Variants in FBRSL1 observed in about 807,000 individuals in gnomAD.
FBRSL1 encodes fibrosin like 1, also known as fibrosin-1-like protein.
Under a neutral mutation model 89.6 loss-of-function variants are expected in FBRSL1, and 51 were observed. That is an observed-to-expected ratio of 0.57 (90% CI 0.45 to 0.72). The LOEUF (loss-of-function observed/expected upper bound fraction) is 0.72, where lower values mean the gene tolerates loss of function less well. Among genes scored for constraint, FBRSL1 ranks in the 30% least tolerant of loss-of-function variants. The pLI, the probability that FBRSL1 is intolerant of heterozygous loss-of-function variation, is 0.00. For missense variants in FBRSL1, 1,618 were observed against 1,451.8 expected (o/e 1.11, Z -1.86); for synonymous variants, 779 against 681.1 (o/e 1.14, Z -2.24).
At chr12:132,530,679 C>T (rs1184638365) in intron 4 of FBRSL1, among the ~76,000 whole-genome samples, 1 of 146,684 alleles carries the variant, frequency 6.8e-6, no homozygotes, top group Non-Finnish European at 1.5e-5. Context: ...GCTTAACCCC[C>T]ACAGCCGAGG....
rs550277125 is a variant in FBRSL1, at chr12:132,569,913, CCT to C, written c.692-6_692-5del. Reference sequence around the variant, plus strand: ...GCCCTGCTGGTCTGAACGCAGCCACCCTCTCTCTGCAGGCCCAGCGCTTGAGA... The same window carrying C: ...GCCCTGCTGGTCTGAACGCAGCCACCCTCTCTGCAGGCCCAGCGCTTGAGA... On this transcript the variant is annotated splice_polypyrimidine_tract_variant and intron_variant, in intron 6 of 18. Transcript: ENST00000680143. The C allele has an allele frequency of 7.0e-4, 972 of 1,382,830 alleles. 1 individual carries two copies. In the African/African-American group the frequency reaches 0.01, roughly 14 times the overall value. The allele number at this position is 1,382,830 out of a possible 1,614,324, so 85.7% of individuals were successfully genotyped here.
chr12:132,561,836 G>T (rs979645674), intron 5 of FBRSL1, among the ~76,000 whole-genome samples: 2 of 152,232 alleles, frequency 1.3e-5, no homozygotes, highest in African/African-American at 4.8e-5. Context: ...TGGCAGGCCT[G>T]GGTGTTCAGT....
intron 15 of FBRSL1, among the ~76,000 whole-genome samples, chr12:132,579,264 T>C (rs996233682): frequency 1.3e-5 from 2 of 152,244 alleles, no homozygotes; most frequent in African/African-American, 4.8e-5. Context: ...GTTCCAGCTT[T>C]CACTGGAGTT....
Position 132,511,931 on chromosome 12 carries a change from C to T in FBRSL1, c.489+3581C>T, listed in dbSNP as rs936328121. The T allele has an allele frequency of 2.4e-5, 24 of 985,320 alleles. 1 individual carries two copies. Among genetic ancestry groups the T allele is most frequent in the Middle Eastern group, 5.2e-4 (1 of 1,914 alleles). 61.0% of individuals were successfully genotyped at this position (985,320 alleles called of 1,614,324 possible). On this transcript the variant is annotated intron_variant, in intron 2 of 18. Transcript: ENST00000680143. ...TCTGATTAAAGAAAATAAAAAGTGC[C>T]GTGCCACTATTTTTTATAACAGCAT...
At chr12:132,571,971 G>A (rs549659296) in intron 9 of FBRSL1, 462 of 452,162 alleles carry the variant, frequency 1.0e-3, no homozygotes, top group Non-Finnish European at 1.3e-3. Context: ...TCAGTAACCC[G>A]GTGTGTCCCC....
chr12:132,533,176 C>T (rs111279508), intron 4 of FBRSL1, among the ~76,000 whole-genome samples: 12,758 of 145,736 alleles, frequency 0.088, 596 homozygotes, highest in Non-Finnish European at 0.13. Flanking sequence ...AGTCTCCTCC[C>T]GACCCAGCCT....
chr12:132,525,552 C>T (rs1198473911), intron 2 of FBRSL1, among the ~76,000 whole-genome samples, 182 bp from the exon 3 acceptor site: 3 of 152,176 alleles, frequency 2.0e-5, no homozygotes, highest in Admixed American at 2.0e-4. Flanking sequence ...GCTGCTCCCG[C>T]CCCCAGACCA....
intron 1 of FBRSL1, among the ~76,000 whole-genome samples, chr12:132,501,382 C>T (rs1239799360): frequency 1.3e-5 from 2 of 152,200 alleles, no homozygotes; most frequent in Non-Finnish European, 2.9e-5. Flanking sequence ...CTCCCCATGG[C>T]TGAGGAAGAG....
At chr12:132,519,738 A>G (rs545885650) in intron 2 of FBRSL1, among the ~76,000 whole-genome samples, 1 of 152,250 alleles carries the variant, frequency 6.6e-6, no homozygotes, top group East Asian at 1.9e-4. Context: ...GTGAAACCCC[A>G]TCTCTACTAA....
intron 15 of FBRSL1, among the ~76,000 whole-genome samples, chr12:132,579,651 C>A (rs1315891594): frequency 6.6e-6 from 1 of 152,200 alleles, no homozygotes; most frequent in Non-Finnish European, 1.5e-5. Context: ...AGCCACTGTT[C>A]CAGCGCTTTG....
rs2040877962 is a variant in FBRSL1, at chr12:132,582,904, TC to T, written c.2202-64del. On this transcript the variant is annotated intron_variant, in intron 18 of 18. Transcript: ENST00000680143. ...GAGGCCCCGACAAGCAACGGGAACA[TC>T]CCGGGGCTGCGCCGCGCGGCAGGAC... is the stretch of plus-strand genomic sequence containing the variant. 4 of 1,266,498 alleles carry T rather than the reference TC, an allele frequency of 3.2e-6. No homozygotes were observed. The Admixed American group carries it at 1.3e-4, about 40-fold the overall frequency. The allele number at this position is 1,266,498 out of a possible 1,614,324, so 78.5% of individuals were successfully genotyped here. A position where few individuals can be genotyped will look rare whatever the true frequency, so the allele number is the denominator to read the frequency against.
chr12:132,528,770 CG>C (rs550309658), intron 4 of FBRSL1, among the ~76,000 whole-genome samples: 132 of 149,774 alleles, frequency 8.8e-4, no homozygotes, highest in East Asian at 2.2e-3. Context: ...AGGGTGTGCC[CG>C]GGGGAAGCAG....
rs778226999 is a variant in FBRSL1, at chr12:132,508,235, G to A, written c.374G>A (p.Cys125Tyr). 3 of 1,550,860 alleles carry A rather than the reference G, an allele frequency of 1.9e-6. No individual in the cohort carries two copies. In the Admixed American group the frequency reaches 5.9e-5, roughly 30 times the overall value. The change falls in exon 2 of 19, where the codon TGC (cysteine) becomes TAC (tyrosine). Residue 125 changes from cysteine to tyrosine, a missense_variant. Transcript: ENST00000680143. ...LIKKPRESET[C>Y]PPAEPSENRR... ...AAGAAGCCCCGGGAGTCGGAAACCT[G>A]CCCCCCTGCGGAGCCCAGTGAGAAC... is the stretch of plus-strand genomic sequence containing the variant.
rs3221291 is a variant in FBRSL1, at chr12:132,578,343, T to TCACA, written c.1834+1433_1834+1436dup. Among the ~76,000 whole-genome samples the TCACA allele has an allele frequency of 6.0e-3, 841 of 141,108 alleles. 8 individuals carry two copies. The highest frequency in any genetic ancestry group is 0.017 in the African/African-American group (663 of 37,994). 92.6% of individuals were successfully genotyped at this position (141,108 alleles called of 152,430 possible). Reference sequence around the variant, plus strand: ...CTGGGCAACAGAGCAAGACCCTGTCTCACACACACACACACACACACACAA... The same window carrying TCACA: ...CTGGGCAACAGAGCAAGACCCTGTCTCACACACACACACACACACACACACACAA... On this transcript the variant is annotated intron_variant, in intron 15 of 18. Coordinates refer to ENST00000680143, the MANE Select transcript of FBRSL1 (RefSeq NM_001367871.1).
intron 2 of FBRSL1, among the ~76,000 whole-genome samples, chr12:132,524,163 G>A (rs1045990988): frequency 2.6e-5 from 4 of 152,222 alleles, no homozygotes; most frequent in African/African-American, 7.2e-5. Flanking sequence ...TCGCTTGCCC[G>A]AGGCCACAGT....
chr12:132,570,985 G>C (rs367782664), intron 8 of FBRSL1, 83 bp from the exon 9 acceptor site: 1 of 912,868 alleles, frequency 1.1e-6, no homozygotes, highest in Non-Finnish European at 1.3e-6. Context: ...CCCGTGTCCC[G>C]GGATGGGACC....
intron 9 of FBRSL1, 103 bp from the exon 10 acceptor site, chr12:132,572,185 A>G: frequency 1.9e-6 from 2 of 1,071,808 alleles, no homozygotes; most frequent in South Asian, 1.5e-5. Flanking sequence ...CAGGAAGCAC[A>G]ACGCCGTCCT....
intron 15 of FBRSL1, 113 bp downstream of exon 15, chr12:132,577,044 T>A (rs2040425901): frequency 7.2e-7 from 1 of 1,388,054 alleles, no homozygotes; most frequent in East Asian, 2.6e-5. Context: ...AGCACCAGCC[T>A]TTGCTTCTTG....
chr12:132,534,522 C>A (rs1422512960), intron 4 of FBRSL1, among the ~76,000 whole-genome samples: 3 of 152,374 alleles, frequency 2.0e-5, no homozygotes, highest in Admixed American at 2.0e-4. Flanking sequence ...ACCTTTTTCT[C>A]CTCGCCACCT....
Sources: allele counts gnomAD v4.1 joint callset (sites outside exome capture counted in the v4.1 genomes callset), GRCh38; gene constraint gnomAD v4.1.1; transcripts MANE v1.5; gene names NCBI Gene and HGNC (gene_info 2026-07-23, HGNC 2026-07-21).